The following CALCR variants were observed in gnomAD, a reference collection of about 807,000 sequenced individuals.
CALCR encodes calcitonin receptor.
A neutral mutation model predicts 59.5 loss-of-function variants in CALCR; 47 were observed. The ratio of observed to expected loss-of-function variants is 0.79; its 90% confidence interval spans 0.63 to 1.01. The LOEUF is 1.01. Ranked by LOEUF, CALCR falls within the 50% of genes least tolerant of loss-of-function variation. The pLI, the probability that CALCR is intolerant of heterozygous loss-of-function variation, is 0.00. For missense variants in CALCR, 566 were observed against 597.1 expected, an observed-to-expected ratio of 0.95 and a Z score of 0.54; for synonymous variants, 213 against 211.3, an observed-to-expected ratio of 1.01 and a Z score of -0.07.
chr7:93,546,184 GT>G (rs1789280867), intron 2 of CALCR, among the ~76,000 whole-genome samples: 1 of 151,934 alleles, frequency 6.6e-6, no homozygotes. Flanking sequence ...CATGCCAGGT[GT>G]TTTATTATAG....
At chr7:93,433,654 T>TA (rs1371953714) in intron 13 of CALCR, among the ~76,000 whole-genome samples, 1 of 152,220 alleles carries the variant, frequency 6.6e-6, no homozygotes, top group African/African-American at 2.4e-5. Flanking sequence ...TTATGTTTTA[T>TA]AGATTTGGCT....
At chr7:93,498,469 T>C (rs1161595298) in intron 2 of CALCR, among the ~76,000 whole-genome samples, 1 of 151,708 alleles carries the variant, frequency 6.6e-6, no homozygotes, top group Non-Finnish European at 1.5e-5. Flanking sequence ...AAAAAGGCAT[T>C]GTAACCTCAC....
At chr7:93,454,918 G>T (rs1247742836) in intron 8 of CALCR, among the ~76,000 whole-genome samples, 5 of 37,322 alleles carry the variant, frequency 1.3e-4, no homozygotes, top group South Asian at 1.2e-3. Context: ...AGGGCATTTT[G>T]TGTGTGTGTG....
chr7:93,564,429 G>C (rs1405737470), intron 2 of CALCR, among the ~76,000 whole-genome samples: 1 of 151,576 alleles, frequency 6.6e-6, no homozygotes, highest in Non-Finnish European at 1.5e-5. Context: ...TTTGATCAAA[G>C]AACACATCAT....
Position 93,477,669 on chromosome 7 carries a change from C to A in CALCR, c.206-1G>T. 1 of 1,591,928 alleles carries A rather than the reference C, an allele frequency of 6.3e-7. No individual in the cohort carries two copies. On this transcript the variant is annotated splice_acceptor_variant, in intron 4 of 13. Transcript: ENST00000426151. LOFTEE classifies it high-confidence loss of function. Reference sequence around the variant, plus strand: ...TCCCAGGTGCGATTGCAATATGGACCTGGCCATTTAGAAGGAAATTGATAT... The same window carrying A: ...TCCCAGGTGCGATTGCAATATGGACATGGCCATTTAGAAGGAAATTGATAT...
intron 2 of CALCR, among the ~76,000 whole-genome samples, chr7:93,552,323 C>T (rs546465548): frequency 6.6e-6 from 1 of 152,288 alleles, no homozygotes; most frequent in South Asian, 2.1e-4. Context: ...ACCAAAGTCA[C>T]AAAACCTGTT....
chr7:93,543,668 C>T (rs866279956), intron 2 of CALCR, among the ~76,000 whole-genome samples: 52 of 151,764 alleles, frequency 3.4e-4, no homozygotes, highest in Middle Eastern at 3.4e-3. Flanking sequence ...TATATATACA[C>T]ACACACACAC....
chr7:93,436,452 C>T (rs1239239657), intron 11 of CALCR, among the ~76,000 whole-genome samples: 8 of 152,180 alleles, frequency 5.3e-5, no homozygotes, highest in African/African-American at 1.4e-4. Context: ...CTTTCTATGG[C>T]GGGGGTGGTG....
chr7:93,468,891 A>G, intron 6 of CALCR, 85 bp from the exon 7 acceptor site: 1 of 683,466 alleles, frequency 1.5e-6, no homozygotes, highest in Non-Finnish European at 2.3e-6. Context: ...ATATATGTAA[A>G]TCAACAAATG....
intron 2 of CALCR, among the ~76,000 whole-genome samples, chr7:93,573,379 C>T (rs1270362461): frequency 6.6e-6 from 1 of 152,148 alleles, no homozygotes; most frequent in African/African-American, 2.4e-5. Flanking sequence ...AACATTTCAC[C>T]TTCAATCACC....
chr7:93,573,194 T>C (rs939682025), intron 2 of CALCR, among the ~76,000 whole-genome samples: 2 of 152,228 alleles, frequency 1.3e-5, no homozygotes, highest in Non-Finnish European at 2.9e-5. Flanking sequence ...AAATTACACT[T>C]TATAAATTCC....
intron 2 of CALCR, among the ~76,000 whole-genome samples, chr7:93,517,314 T>TTTCTTTTTTTTTTTTTTTTTTTACTC (rs1206907976): frequency 6.6e-6 from 1 of 151,482 alleles, no homozygotes; most frequent in Admixed American, 6.6e-5. Flanking sequence ...CTTTTTTTTT[T>TTTCTTTTTTTTTTTTTTTTTTTACTC]TAATTTGCTA....
chr7:93,541,918 T>C (rs1050423694), intron 2 of CALCR, among the ~76,000 whole-genome samples: 1 of 152,206 alleles, frequency 6.6e-6, no homozygotes, highest in African/African-American at 2.4e-5. Flanking sequence ...AAGCATTATG[T>C]TAAAATTCAT....
chr7:93,563,379 C>CTATTTAGATTTATTTTTTAAATA (rs1194892942), intron 2 of CALCR, among the ~76,000 whole-genome samples: 1 of 152,098 alleles, frequency 6.6e-6, no homozygotes, highest in African/African-American at 2.4e-5. Flanking sequence ...TGTAAGTAAT[C>CTATTTAGATTTATTTTTTAAATA]AATGTATGGT....
At chr7:93,516,951 G>C (rs1801663118) in intron 2 of CALCR, among the ~76,000 whole-genome samples, 1 of 151,822 alleles carries the variant, frequency 6.6e-6, no homozygotes, top group Admixed American at 6.6e-5. Context: ...TAGAGCATAA[G>C]AGTAAGTCAA....
At chr7:93,552,878 G>A (rs1584627207) in intron 2 of CALCR, among the ~76,000 whole-genome samples, 2 of 152,248 alleles carry the variant, frequency 1.3e-5, no homozygotes, top group Admixed American at 6.5e-5. Context: ...ATTTTGTCCA[G>A]ATAGACATGG....
chr7:93,567,200 G>A (rs1206926751), intron 2 of CALCR, among the ~76,000 whole-genome samples: 1 of 152,246 alleles, frequency 6.6e-6, no homozygotes, highest in East Asian at 1.9e-4. Flanking sequence ...TATTGGTTTG[G>A]AGGAAGTACT....
In CALCR at chr7:93,472,483, CT is replaced by C. The variant is rs750465244; in HGVS notation, c.320del (p.Lys107ArgfsTer36). Reference protein sequence around the residue: ...DYFPDFDPSEKVTKYCDEKGV... With the variant: ...DYFPDFDPSEXVTKYCDEKGV... ...CTTTTTCATCACAGTATTTTGTAAC[CT>C]TTTCTGTTAATGAAACATAACAGTT... On this transcript the variant is annotated frameshift_variant, in exon 6 of 14. Coordinates refer to ENST00000426151, the MANE Select transcript of CALCR (RefSeq NM_001742.4). LOFTEE classifies it high-confidence loss of function. The C allele has an allele frequency of 1.1e-5, 17 of 1,569,132 alleles. No homozygotes were observed. Among genetic ancestry groups the C allele is most frequent in the Non-Finnish European group, 1.4e-5 (16 of 1,141,550 alleles).
intron 2 of CALCR, among the ~76,000 whole-genome samples, chr7:93,496,699 A>C (rs1312075064): frequency 6.6e-6 from 1 of 151,580 alleles, no homozygotes; most frequent in East Asian, 1.9e-4. Context: ...ATGTGGGCAA[A>C]GAGTAGTGAA....
Sources: allele counts gnomAD v4.1 joint callset (sites outside exome capture counted in the v4.1 genomes callset), GRCh38; gene constraint gnomAD v4.1.1; transcripts MANE v1.5; gene names NCBI Gene and HGNC (gene_info 2026-07-23, HGNC 2026-07-21).